The following KCNAB1 variants were observed in gnomAD, a reference collection of about 807,000 sequenced individuals.
KCNAB1 encodes the protein potassium voltage-gated channel subfamily A regulatory beta subunit 1.
In KCNAB1, 35 loss-of-function variants were observed where a neutral mutation model predicts 64.6. The observed-to-expected ratio is 0.54, with a 90% CI of 0.41 to 0.72. KCNAB1 has a LOEUF of 0.72. KCNAB1 is among the 30% of genes least tolerant of loss of function. KCNAB1 has a pLI of 0.00. For synonymous variants in KCNAB1, 177 were observed against 183.8 expected (o/e 0.96, Z 0.30); for missense variants, 401 against 512.9 (o/e 0.78, Z 2.11).
At chr3:156,381,880 T>C (rs1299032399) in intron 1 of KCNAB1, among the ~76,000 whole-genome samples, 12 of 152,238 alleles carry the variant, frequency 7.9e-5, no homozygotes, top group Admixed American at 7.9e-4. Context: ...ACATTAGCCT[T>C]GCACAGATGC....
chr3:156,282,911 C>G (rs555045963), intron 1 of KCNAB1, among the ~76,000 whole-genome samples: 23 of 151,694 alleles, frequency 1.5e-4, no homozygotes, highest in Non-Finnish European at 2.4e-4. Context: ...GGTCTTGACT[C>G]TTTATCCAAT....
chr3:156,118,436 C>G (rs1713173823), upstream of KCNAB1: 1 of 376,832 alleles, frequency 2.7e-6, no homozygotes, highest in Non-Finnish European at 5.4e-6. Context: ...AGCACCACTT[C>G]CACCACGTTT....
chr3:156,481,514 C>T (rs980470326), intron 8 of KCNAB1, among the ~76,000 whole-genome samples: 5 of 151,658 alleles, frequency 3.3e-5, no homozygotes, highest in Non-Finnish European at 7.4e-5. Flanking sequence ...TACTTTAGGC[C>T]TATTTAGCTG....
At chr3:156,224,219 A>T (rs1387339281) in intron 1 of KCNAB1, among the ~76,000 whole-genome samples, 1 of 152,192 alleles carries the variant, frequency 6.6e-6, no homozygotes, top group Non-Finnish European at 1.5e-5. Context: ...GGCCGCTCTG[A>T]GTGCGGGCCC....
chr3:156,428,691 A>G (rs4505649), intron 2 of KCNAB1, among the ~76,000 whole-genome samples: 1 of 152,284 alleles, frequency 6.6e-6, no homozygotes, highest in East Asian at 1.9e-4. Context: ...TAATGTGGTC[A>G]CTTGCTCATT....
chr3:156,325,462 A>G (rs1171845146), intron 1 of KCNAB1, among the ~76,000 whole-genome samples: 2 of 152,300 alleles, frequency 1.3e-5, no homozygotes, highest in Non-Finnish European at 2.9e-5. Flanking sequence ...GGAAGTGGAT[A>G]CTATTATTTG....
chr3:156,137,698 A>G (rs1279810817), intron 1 of KCNAB1, among the ~76,000 whole-genome samples: 8 of 147,316 alleles, frequency 5.4e-5, no homozygotes, highest in Non-Finnish European at 1.0e-4. Flanking sequence ...GGCACCCGCT[A>G]CCACGTCTGG....
At chr3:156,150,952 C>A (rs1229638234) in intron 1 of KCNAB1, among the ~76,000 whole-genome samples, 1 of 152,122 alleles carries the variant, frequency 6.6e-6, no homozygotes. Context: ...AGTTTTCTAG[C>A]GTAGGGGGTT....
intron 8 of KCNAB1, among the ~76,000 whole-genome samples, chr3:156,481,060 A>G (rs753763316): frequency 1.3e-5 from 2 of 152,098 alleles, no homozygotes; most frequent in Non-Finnish European, 2.9e-5. Flanking sequence ...GGAGATGTTG[A>G]CAGGTTGCTG....
chr3:156,195,246 A>G (rs908732774), intron 1 of KCNAB1, among the ~76,000 whole-genome samples: 1 of 152,162 alleles, frequency 6.6e-6, no homozygotes, highest in South Asian at 2.1e-4. Flanking sequence ...CAATAAACAT[A>G]TGTGTGCATG....
At chr3:156,317,078 T>C (rs967902252) in intron 1 of KCNAB1, among the ~76,000 whole-genome samples, 1 of 152,214 alleles carries the variant, frequency 6.6e-6, no homozygotes, top group African/African-American at 2.4e-5. Flanking sequence ...TTCCCATTAA[T>C]ATTTGGTGGT....
At chr3:156,393,277 G>A (rs1193976597) in intron 1 of KCNAB1, among the ~76,000 whole-genome samples, 1 of 152,134 alleles carries the variant, frequency 6.6e-6, no homozygotes, top group Admixed American at 6.5e-5. Context: ...TTGTAAGGAG[G>A]CATTACTTGA....
chr3:156,513,321 C>T (rs529902230), intron 8 of KCNAB1, among the ~76,000 whole-genome samples: 2 of 152,068 alleles, frequency 1.3e-5, no homozygotes, highest in East Asian at 3.9e-4. Flanking sequence ...TCAATCTAGA[C>T]AGTGCCTGCT....
At chr3:156,373,356 C>A (rs756306261) in intron 1 of KCNAB1, among the ~76,000 whole-genome samples, 2 of 152,212 alleles carry the variant, frequency 1.3e-5, no homozygotes, top group Non-Finnish European at 2.9e-5. Context: ...ACTCTTATTG[C>A]AGCCAGTCCT....
intron 1 of KCNAB1, among the ~76,000 whole-genome samples, chr3:156,259,864 C>T (rs1361738212): frequency 2.0e-5 from 3 of 152,176 alleles, no homozygotes; most frequent in Non-Finnish European, 2.9e-5. Flanking sequence ...GTGGGCAACT[C>T]GGTGAGGCTG....
chr3:156,318,890 A>G (rs1722472425), intron 1 of KCNAB1, among the ~76,000 whole-genome samples: 2 of 152,200 alleles, frequency 1.3e-5, no homozygotes, highest in Admixed American at 1.3e-4. Context: ...GCCCCAAGAC[A>G]TTAAGGACTT....
At chr3:156,428,374 C>T (rs1048510937) in intron 2 of KCNAB1, among the ~76,000 whole-genome samples, 1 of 152,098 alleles carries the variant, frequency 6.6e-6, no homozygotes, top group South Asian at 2.1e-4. Context: ...AGGCTGCCAG[C>T]TTTCGGAGTA....
At position 156,190,538 on chromosome 3, in the gene KCNAB1, G is replaced by C. The variant is rs553484162; in HGVS notation, c.275+69652G>C. ...TACCTATTGAACAATTAGGTGTCTTGTAGCTTATTGTGAGATGGAGGACAA... is the reference window on the plus strand; with the variant it reads ...TACCTATTGAACAATTAGGTGTCTTCTAGCTTATTGTGAGATGGAGGACAA... On this transcript the variant is annotated intron_variant, in intron 1 of 13. Coordinates refer to ENST00000490337, the MANE Select transcript of KCNAB1 (RefSeq NM_172160.3). 2.1e-3 allele frequency among the ~76,000 whole-genome samples: 322 copies of C among 152,266 alleles called. 2 individuals are homozygous for C. Among genetic ancestry groups the C allele is most frequent in the African/African-American group, 7.5e-3 (312 of 41,568 alleles).
chr3:156,143,282 C>T, intron 1 of KCNAB1: 2 of 1,613,856 alleles, frequency 1.2e-6, no homozygotes, highest in Non-Finnish European at 1.7e-6. Flanking sequence ...CTAGCAGTGA[C>T]CAAGACTCAG....
Sources: allele counts gnomAD v4.1 joint callset (sites outside exome capture counted in the v4.1 genomes callset), GRCh38; gene constraint gnomAD v4.1.1; transcripts MANE v1.5; gene names NCBI Gene and HGNC (gene_info 2026-07-23, HGNC 2026-07-21).